PIGT: variants seen among roughly 807,000 people sequenced by gnomAD.
PIGT encodes the protein GPI-anchor transamidase component PIGT.
PIGT carries 57 observed loss-of-function variants against 66.7 expected under a neutral mutation model. That is an observed-to-expected ratio of 0.86 (90% confidence interval 0.69 to 1.07). The LOEUF (loss-of-function observed/expected upper bound fraction) is 1.07, where lower values mean the gene tolerates loss of function less well. Ranked by LOEUF, PIGT falls within the 50% of genes least tolerant of loss-of-function variation. The pLI is 0.00. For synonymous variants in PIGT, 362 were observed against 320.5 expected, an observed-to-expected ratio of 1.13 and a Z score of -1.38; for missense variants, 725 against 740.4, an observed-to-expected ratio of 0.98 and a Z score of 0.24.
chr20:45,424,709 C>A (rs1372115289), intron 11 of PIGT, 130 bp downstream of exon 11: 3 of 665,292 alleles, frequency 4.5e-6, no homozygotes, highest in Admixed American at 5.1e-5. Flanking sequence ...AGATTTAATT[C>A]AATCCTAATA....
chr20:45,425,173 TTCTTTC>T (rs1990652248), intron 11 of PIGT: 1 of 148,444 alleles, frequency 6.7e-6, no homozygotes, highest in Non-Finnish European at 1.5e-5. Context: ...CTTTCTTTCT[TTCTTTC>T]TTTCTTTCTT....
At chr20:45,422,268 G>C (rs555266711) in intron 9 of PIGT, 1 of 152,206 alleles carries the variant, frequency 6.6e-6, no homozygotes, top group Non-Finnish European at 1.5e-5. Flanking sequence ...ACGGTGAATA[G>C]TTTCACTTAT....
At chr20:45,425,423 A>G in intron 11 of PIGT, 151 bp from the exon 12 acceptor site, 1 of 443,312 alleles carries the variant, frequency 2.3e-6, no homozygotes, top group Non-Finnish European at 3.8e-6. Context: ...TATCAGGTTT[A>G]GAGATTGAGC....
At chr20:45,424,427 C>T in intron 10 of PIGT, 46 bp downstream of exon 10, 2 of 1,613,406 alleles carry the variant, frequency 1.2e-6, no homozygotes, top group Non-Finnish European at 1.7e-6. Flanking sequence ...CTGACCTACC[C>T]TTTCTGCTGC....
chr20:45,421,012 A>C, intron 8 of PIGT: 1 of 520,098 alleles, frequency 1.9e-6, no homozygotes, highest in Non-Finnish European at 3.5e-6. Flanking sequence ...AGAGTGTTGA[A>C]TAAGACAGAG....
intron 2 of PIGT, chr20:45,417,566 G>A (rs1990064925): frequency 6.6e-6 from 1 of 152,144 alleles, no homozygotes; most frequent in African/African-American, 2.4e-5. Flanking sequence ...GGGTTCAAGC[G>A]ATCCTCCTGC....
rs3092450 is a variant in PIGT, at chr20:45,421,276, T to TC, written c.1034-103dup. On this transcript the variant is annotated intron_variant, in intron 8 of 11. Transcript: ENST00000279036. ...TGCCCAGTTTCAGTGGCAGGGCTGT[T>TC]CCCCATCTACTCACTGGCTTGGGAC... is the stretch of plus-strand genomic sequence containing the variant. The TC allele has an allele frequency of 0.77, 668,588 of 873,760 alleles. 258,075 individuals are homozygous for TC. Among genetic ancestry groups the TC allele is most frequent in the African/African-American group, 0.8 (47,148 of 59,292 alleles). 54.1% of individuals were successfully genotyped at this position (873,760 alleles called of 1,614,324 possible). A position where few individuals can be genotyped will look rare whatever the true frequency, so the allele number is the denominator to read the frequency against.
At chr20:45,420,715 C>G in intron 8 of PIGT, 22 bp downstream of exon 8, 10 of 1,612,864 alleles carry the variant, frequency 6.2e-6, no homozygotes, top group Non-Finnish European at 8.5e-6. Context: ...GTTGGTTGGA[C>G]TGCTGGGTTG....
At position 45,418,835 on chromosome 20, in the gene PIGT, T is replaced by C. The variant is rs374018855; in HGVS notation, c.366-17T>C. 1.4e-5 allele frequency: 22 copies of C among 1,612,982 alleles called. No homozygotes were observed. Among genetic ancestry groups the C allele is most frequent in the African/African-American group, 1.2e-4 (9 of 74,962 alleles). On this transcript the variant is annotated splice_polypyrimidine_tract_variant and intron_variant, in intron 2 of 11. Coordinates refer to ENST00000279036, the MANE Select transcript of PIGT (RefSeq NM_015937.6). ...AGGTAGCCCCAGGACAGTGAGTGGA[T>C]TTGTGTCTCTATCCAGTGTGGATAA...
Position 45,419,494 on chromosome 20 carries a change from T to A in PIGT, c.595-10T>A, listed in dbSNP as rs778406276. ...ACAGGGCTTCTCTTATCTCTTTCCA[T>A]CTCCTCCAGGCAGGCCTCTCTGTGC... On this transcript the variant is annotated splice_polypyrimidine_tract_variant and intron_variant, in intron 4 of 11. Coordinates refer to ENST00000279036, the MANE Select transcript of PIGT (RefSeq NM_015937.6). 6.2e-7 allele frequency: 1 copy of A among 1,614,072 alleles called. No individual in the cohort carries two copies. The highest frequency in any genetic ancestry group is 8.5e-7 in the Non-Finnish European group (1 of 1,179,962).
chr20:45,424,962 G>A (rs1997657), intron 11 of PIGT: 6,070 of 214,568 alleles, frequency 0.028, 394 homozygotes, highest in African/African-American at 0.13. Flanking sequence ...AGAGAGTAAT[G>A]GGGTTAGAGG....
intron 5 of PIGT, 198 bp downstream of exon 5, chr20:45,419,788 G>A (rs1990231868): frequency 4.9e-6 from 3 of 610,492 alleles, no homozygotes; most frequent in East Asian, 2.7e-5. Flanking sequence ...ATGGAAAATA[G>A]TGGTTCAGAA....
rs559812381 is a variant in PIGT at position 45,419,576 on chromosome 20, C to T, written c.667C>T (p.Arg223Cys). 202 of 1,612,926 alleles carry T rather than the reference C, an allele frequency of 1.3e-4. 1 individual carries two copies. The South Asian group carries it at 1.3e-3, about 10-fold the overall frequency. ...TSYHSQAVHI[R>C]PVCRNARCTS... ...CTACCACTCCCAGGCAGTGCATATCCGCCCTGTTTGCAGAGTAAGTCATGG... is the reference window on the plus strand; with the variant it reads ...CTACCACTCCCAGGCAGTGCATATCTGCCCTGTTTGCAGAGTAAGTCATGG... Residue 223 changes from arginine (R) to cysteine (C), a missense_variant, in exon 5 of 12, where the codon CGC becomes TGC. Arg to Cys is a radical substitution (Grantham distance 180). Coordinates refer to ENST00000279036, the MANE Select transcript of PIGT (RefSeq NM_015937.6).
rs767532316 is a variant in PIGT at position 45,416,280 on chromosome 20, G to A, written c.124G>A (p.Gly42Arg). The change falls in exon 1 of 12, where the codon GGG becomes AGG. Residue 42 changes from glycine to arginine, a missense_variant. Around this residue, in one of 3 missense-constraint regions of PIGT, gnomAD observed 559 missense variants for 552.7 expected, o/e 1.01. Transcript: ENST00000279036. ...EELVITPLPS[G>R]DVAATFQFRT... ...ACTTGTCATCACCCCGCTGCCTTCC[G>A]GGGACGTAGCCGCCACATTCCAGTT... is the stretch of plus-strand genomic sequence containing the variant. 1.9e-6 allele frequency: 3 copies of A among 1,596,618 alleles called. No homozygotes were observed.
At chr20:45,418,743 G>A in intron 2 of PIGT, 109 bp from the exon 3 acceptor site, 1 of 1,403,160 alleles carries the variant, frequency 7.1e-7, no homozygotes, top group Middle Eastern at 1.8e-4. Context: ...CCGTCTAATA[G>A]TTAAGAATAC....
chr20:45,425,952 C>T lies in PIGT; in HGVS notation c.*126C>T, dbSNP rs1741614896. On this transcript the variant is annotated 3_prime_UTR_variant, in exon 12 of 12. Transcript: ENST00000279036. ...CAAAGTGCCCTGGACCAGGTCAGGGCCTACAGCTGTGTTGTCCAGTACAGG... is the reference window on the plus strand; with the variant it reads ...CAAAGTGCCCTGGACCAGGTCAGGGTCTACAGCTGTGTTGTCCAGTACAGG... 1 of 1,061,018 alleles carries T rather than the reference C, an allele frequency of 9.4e-7. No homozygotes were observed. Among genetic ancestry groups the T allele is most frequent in the Admixed American group, 2.8e-5 (1 of 36,362 alleles). 65.7% of individuals were successfully genotyped at this position (1,061,018 alleles called of 1,614,324 possible).
intron 5 of PIGT, 86 bp from the exon 6 acceptor site, chr20:45,420,050 G>T: frequency 1.1e-6 from 1 of 910,018 alleles, no homozygotes. Flanking sequence ...ACATAGATGA[G>T]GGATTGAGTC....
chr20:45,416,848 G>A, intron 2 of PIGT, 154 bp downstream of exon 2: 1 of 644,166 alleles, frequency 1.6e-6, no homozygotes, highest in Non-Finnish European at 2.5e-6. Flanking sequence ...TGTTACCACA[G>A]ATGAATAAAC....
intron 8 of PIGT, 51 bp downstream of exon 8, chr20:45,420,744 GACTC>G (rs1435798200): frequency 1.3e-6 from 2 of 1,576,696 alleles, no homozygotes; most frequent in South Asian, 2.2e-5. Flanking sequence ...ACAGAGAAAA[GACTC>G]ACAATCCCAC....
Sources: allele counts gnomAD v4.1 joint callset, GRCh38; gene constraint gnomAD v4.1.1; regional missense constraint gnomAD v4.1.1; transcripts MANE v1.5; gene names NCBI Gene and HGNC (gene_info 2026-07-23, HGNC 2026-07-21).